The following PDE11A variants were observed in gnomAD, a reference collection of about 807,000 sequenced individuals.
PDE11A encodes the protein phosphodiesterase 11A, also known as dual 3',5'-cyclic-AMP and -GMP phosphodiesterase 11A.
PDE11A carries 100 observed loss-of-function variants against 100.5 expected under a neutral mutation model. The observed-to-expected ratio is 1.00, with a 90% confidence interval of 0.85 to 1.18. The LOEUF (loss-of-function observed/expected upper bound fraction) is 1.18, where lower values mean the gene tolerates loss of function less well. PDE11A is among the 50% of genes most tolerant of loss of function. PDE11A has a pLI of 0.00. For missense variants in PDE11A, 1,141 were observed against 1,152.6 expected (o/e 0.99, Z 0.15); for synonymous variants, 381 against 420.8 (o/e 0.91, Z 1.16).
intron 1 of PDE11A, among the ~76,000 whole-genome samples, chr2:178,051,502 A>G (rs905015003): frequency 3.7e-4 from 56 of 152,180 alleles, no homozygotes; most frequent in African/African-American, 1.3e-3. Flanking sequence ...ATTCACACAT[A>G]ACAATATTAA....
chr2:177,786,534 C>T (rs1432302176), intron 9 of PDE11A, among the ~76,000 whole-genome samples: 12 of 152,086 alleles, frequency 7.9e-5, no homozygotes, highest in African/African-American at 1.4e-4. Context: ...CAAAGCTGGA[C>T]GGAGAATGAC....
chr2:177,997,599 A>C, intron 2 of PDE11A: 1 of 1,011,946 alleles, frequency 9.9e-7, no homozygotes. Context: ...GAGCTAAGTG[A>C]AGTTGTCTGA....
Position 177,905,181 on chromosome 2 carries a change from G to A in PDE11A, c.1078C>T (p.Gln360Ter), listed in dbSNP as rs755213594. The A allele has an allele frequency of 2.5e-6, 4 of 1,580,158 alleles. No homozygotes were observed. In the African/African-American group the frequency reaches 5.4e-5, roughly 21 times the overall value. ...ATTCCACAAAATGGAAGATACATCT[G>A]CATAACCTGGGACAAAGAGAGTAGT... ...PFTEDDEKVM[Q>*]MYLPFCGIAI... Residue 360 changes from glutamine to a stop codon, truncating the protein, a stop_gained, in exon 3 of 20, where the codon CAG becomes TAG. Coordinates refer to ENST00000286063, the MANE Select transcript of PDE11A (RefSeq NM_016953.4). LOFTEE classifies it high-confidence loss of function.
intron 3 of PDE11A, 113 bp downstream of exon 3, chr2:177,904,985 A>G (rs1186748717): frequency 2.7e-6 from 2 of 729,208 alleles, no homozygotes; most frequent in Non-Finnish European, 2.5e-6. Flanking sequence ...CAAATAAAAA[A>G]GATTCCTGTA....
intron 13 of PDE11A, among the ~76,000 whole-genome samples, chr2:177,706,154 A>T (rs1039703452): frequency 8.5e-5 from 13 of 152,250 alleles, no homozygotes; most frequent in African/African-American, 3.1e-4. Context: ...CTAAGAGAAT[A>T]AATCAAATTG....
intron 2 of PDE11A, among the ~76,000 whole-genome samples, chr2:177,933,083 C>CAT (rs2105765272): frequency 6.6e-6 from 1 of 150,874 alleles, no homozygotes; most frequent in Non-Finnish European, 1.5e-5. Flanking sequence ...CACACACACA[C>CAT]ACACACAAAT....
At chr2:177,674,451 G>C (rs184086910) in intron 17 of PDE11A, among the ~76,000 whole-genome samples, 8 of 152,248 alleles carry the variant, frequency 5.3e-5, no homozygotes, top group Admixed American at 5.2e-4. Context: ...CTTTGCTCAC[G>C]GCTGCATCAC....
intron 8 of PDE11A, among the ~76,000 whole-genome samples, chr2:177,817,205 AT>A (rs1169829027): frequency 1.3e-5 from 2 of 152,226 alleles, no homozygotes; most frequent in Non-Finnish European, 2.9e-5. Flanking sequence ...TGGGTTCTTA[AT>A]TTATTTAGGT....
Position 178,024,302 on chromosome 2 carries a change from C to T in PDE11A, c.913-9842G>A, listed in dbSNP as rs1400965085. On this transcript the variant is annotated intron_variant, in intron 1 of 19. Transcript: ENST00000286063. ...TGGTGCACACCTGTAATCCCAGCTA[C>T]TCGGGAGGCCGAGGCAGGAGAATTG... 2.0e-5 allele frequency among the ~76,000 whole-genome samples: 3 copies of T among 152,246 alleles called. No individual in the cohort carries two copies. The East Asian group carries it at 5.8e-4, about 29-fold the overall frequency.
chr2:177,678,038 GCA>G (rs2080806111), intron 16 of PDE11A: 1 of 152,104 alleles, frequency 6.6e-6, no homozygotes, highest in Non-Finnish European at 1.5e-5. Context: ...ACTGAAATCT[GCA>G]CTTGCCTAAC....
At chr2:177,786,769 A>G (rs2082543737) in intron 9 of PDE11A, among the ~76,000 whole-genome samples, 1 of 152,250 alleles carries the variant, frequency 6.6e-6, no homozygotes, top group Non-Finnish European at 1.5e-5. Flanking sequence ...GATGCGATCA[A>G]CTGGAAGAAA....
intron 4 of PDE11A, among the ~76,000 whole-genome samples, chr2:177,877,257 C>T (rs558286976): frequency 5.5e-5 from 8 of 145,746 alleles, no homozygotes; most frequent in African/African-American, 2.1e-4. Context: ...CTCCGCCTCC[C>T]GGGTTCAAGT....
At chr2:177,807,450 C>T (rs1361817915) in intron 9 of PDE11A, among the ~76,000 whole-genome samples, 4 of 151,886 alleles carry the variant, frequency 2.6e-5, no homozygotes, top group Non-Finnish European at 4.4e-5. Flanking sequence ...TGAGACGGGG[C>T]TTGCTCTGTC....
chr2:178,041,202 A>T (rs542555641), intron 1 of PDE11A, among the ~76,000 whole-genome samples: 12 of 151,428 alleles, frequency 7.9e-5, no homozygotes, highest in Admixed American at 3.9e-4. Flanking sequence ...AGCCTCCCAA[A>T]GTGCTGGGAT....
chr2:177,991,373 C>T (rs1229391497), intron 2 of PDE11A, among the ~76,000 whole-genome samples: 4 of 149,726 alleles, frequency 2.7e-5, no homozygotes, highest in African/African-American at 9.9e-5. Context: ...TGGTGGCTCA[C>T]GCCTGTAATC....
intron 15 of PDE11A, among the ~76,000 whole-genome samples, chr2:177,684,958 T>C (rs955728121): frequency 1.3e-5 from 2 of 152,192 alleles, no homozygotes; most frequent in Non-Finnish European, 2.9e-5. Flanking sequence ...TGGAGGATTG[T>C]GAAAGACTTT....
At chr2:177,875,154 G>T (rs921353643) in intron 5 of PDE11A, among the ~76,000 whole-genome samples, 25 of 151,938 alleles carry the variant, frequency 1.6e-4, no homozygotes, top group Admixed American at 1.4e-3. Flanking sequence ...AACCTGGGAG[G>T]CAGAGGCTGC....
At chr2:178,047,384 AC>A (rs1447977192) in intron 1 of PDE11A, among the ~76,000 whole-genome samples, 2 of 150,856 alleles carry the variant, frequency 1.3e-5, no homozygotes, top group Admixed American at 1.3e-4. Context: ...AATAGCTTGA[AC>A]CCAGGAGGCG....
At chr2:177,653,278 T>C (rs1357929922) in intron 19 of PDE11A, among the ~76,000 whole-genome samples, 1 of 152,190 alleles carries the variant, frequency 6.6e-6, no homozygotes. Flanking sequence ...ATGGATTCTC[T>C]CCATGAGTGC....
Sources: allele counts gnomAD v4.1 joint callset (sites outside exome capture counted in the v4.1 genomes callset), GRCh38; gene constraint gnomAD v4.1.1; transcripts MANE v1.5; gene names NCBI Gene and HGNC (gene_info 2026-07-23, HGNC 2026-07-21).